Variants in CNTN5 observed in about 807,000 individuals in gnomAD.
The protein encoded by CNTN5 is contactin 5.
Under a neutral mutation model 129.1 loss-of-function variants are expected in CNTN5, and 77 were observed. That is an observed-to-expected ratio of 0.60 (90% CI 0.50 to 0.72). CNTN5 has a LOEUF of 0.72. Among genes scored for constraint, CNTN5 ranks in the 30% least tolerant of loss-of-function variants. The pLI is 0.00. For synonymous variants in CNTN5, 509 were observed against 465.6 expected (o/e 1.09, Z -1.20); for missense variants, 1,478 against 1,328.8 (o/e 1.11, Z -1.75).
chr11:99,278,423 TA>T (rs1370006159), intron 1 of CNTN5, among the ~76,000 whole-genome samples: 1 of 151,674 alleles, frequency 6.6e-6, no homozygotes, highest in African/African-American at 2.4e-5. Context: ...GCACATTTCC[TA>T]AAAAATAAGA....
At chr11:99,793,327 G>A (rs535622161) in intron 3 of CNTN5, among the ~76,000 whole-genome samples, 14 of 152,250 alleles carry the variant, frequency 9.2e-5, no homozygotes, top group African/African-American at 3.4e-4. Flanking sequence ...CCAAAGTGCT[G>A]GGATTACAGG....
chr11:99,259,946 T>C (rs1565445028), intron 1 of CNTN5, among the ~76,000 whole-genome samples: 4 of 151,802 alleles, frequency 2.6e-5, no homozygotes, highest in Admixed American at 2.0e-4. Context: ...CATAACCTTT[T>C]ATCATTTTTT....
At chr11:99,729,819 G>A (rs891396712) in intron 3 of CNTN5, among the ~76,000 whole-genome samples, 8 of 152,160 alleles carry the variant, frequency 5.3e-5, no homozygotes, top group Non-Finnish European at 1.0e-4. Flanking sequence ...AACACTGCAT[G>A]TTCTCACTTA....
Position 99,713,616 on chromosome 11 carries a change from T to A in CNTN5, c.56-105928T>A, listed in dbSNP as rs568220698. Among the ~76,000 whole-genome samples the A allele has an allele frequency of 4.1e-4, 63 of 152,112 alleles. 1 individual carries two copies. Among genetic ancestry groups the A allele is most frequent in the Non-Finnish European group, 4.4e-5 (3 of 67,944 alleles). On this transcript the variant is annotated intron_variant, in intron 3 of 24. Coordinates refer to ENST00000524871, the MANE Select transcript of CNTN5 (RefSeq NM_014361.4). ...TTTCAGTATCATAAATATGTATGTA[T>A]GTTTACAAATAGAAATATGGAACCC...
chr11:99,614,473 T>C lies in CNTN5; in HGVS notation c.55+58204T>C, dbSNP rs1950695991. ...ACTCCATCTGTTAGCAAGGCTTGTC[T>C]CAGTGGCTTGAGAGATCACATACAC... On this transcript the variant is annotated intron_variant, in intron 3 of 24. Coordinates refer to ENST00000524871, the MANE Select transcript of CNTN5 (RefSeq NM_014361.4). 3.9e-5 allele frequency among the ~76,000 whole-genome samples: 6 copies of C among 152,320 alleles called. No homozygotes were observed. In the South Asian group the frequency reaches 1.0e-3, roughly 26 times the overall value.
chr11:99,397,438 C>T lies in CNTN5; in HGVS notation c.-71+71954C>T, dbSNP rs377630583. 9.9e-5 allele frequency among the ~76,000 whole-genome samples: 15 copies of T among 151,374 alleles called. No individual in the cohort carries two copies. The East Asian group carries it at 1.4e-3, about 14-fold the overall frequency. ...TAAGGAGTGGGCAGTAATTATCCAC[C>T]TCCTTAACAACAGCATATCTACACA... On this transcript the variant is annotated intron_variant, in intron 2 of 24. Transcript: ENST00000524871.
At chr11:100,105,563 G>A (rs901002298) in intron 13 of CNTN5, among the ~76,000 whole-genome samples, 4 of 152,060 alleles carry the variant, frequency 2.6e-5, no homozygotes, top group African/African-American at 7.2e-5. Flanking sequence ...AACCAATATC[G>A]GAAGGAAGGA....
intron 3 of CNTN5, among the ~76,000 whole-genome samples, chr11:99,574,669 G>C (rs371169732): frequency 6.6e-6 from 1 of 152,072 alleles, no homozygotes; most frequent in African/African-American, 2.4e-5. Context: ...GTGATGTTGA[G>C]CTTTTTTTCA....
intron 6 of CNTN5, among the ~76,000 whole-genome samples, chr11:99,868,786 C>T (rs138515886): frequency 1.4e-4 from 21 of 152,128 alleles, no homozygotes; most frequent in Admixed American, 1.0e-3. Context: ...AAAATGAGGG[C>T]GTTTTAGCTG....
Position 100,071,912 on chromosome 11 carries a change from G to A in CNTN5, c.1429+78G>A. 2.4e-6 allele frequency: 3 copies of A among 1,240,976 alleles called. No individual in the cohort carries two copies. In the South Asian group the frequency reaches 5.2e-5, roughly 21 times the overall value. The allele number at this position is 1,240,976 out of a possible 1,614,324, so 76.9% of individuals were successfully genotyped here. ...TGCTCTAATTTTTACTATACTGAAGGTTTATGATGTGGTTGTAAAAATCTA... is the reference window on the plus strand; with the variant it reads ...TGCTCTAATTTTTACTATACTGAAGATTTATGATGTGGTTGTAAAAATCTA... On this transcript the variant is annotated intron_variant, in intron 12 of 24. Transcript: ENST00000524871.
chr11:99,209,608 G>A (rs1170240099), intron 1 of CNTN5, among the ~76,000 whole-genome samples: 1 of 152,098 alleles, frequency 6.6e-6, no homozygotes, highest in Admixed American at 6.5e-5. Flanking sequence ...CATTGCAACA[G>A]GAGATTTGAA....
chr11:99,361,735 A>G (rs530024894), intron 2 of CNTN5, among the ~76,000 whole-genome samples: 18 of 152,254 alleles, frequency 1.2e-4, no homozygotes, highest in Non-Finnish European at 2.2e-4. Context: ...AATCATACAC[A>G]CACTAGCTTT....
Position 99,409,970 on chromosome 11 carries a change from G to A in CNTN5, c.-71+84486G>A, listed in dbSNP as rs563849423. 1.9e-4 allele frequency among the ~76,000 whole-genome samples: 29 copies of A among 152,232 alleles called. 1 individual carries two copies. The South Asian group carries it at 4.4e-3, about 23-fold the overall frequency. ...GTGCTAGGCACTTACACTTACCATC[G>A]CAAGTTGCTCTCAGGTTATTCATTT... On this transcript the variant is annotated intron_variant, in intron 2 of 24. Transcript: ENST00000524871.
chr11:99,566,195 G>A (rs11220469), intron 3 of CNTN5, among the ~76,000 whole-genome samples: 8,727 of 152,024 alleles, frequency 0.057, 535 homozygotes, highest in East Asian at 0.28. Flanking sequence ...TCCGAATAAC[G>A]TGAGATCTGG....
intron 16 of CNTN5, among the ~76,000 whole-genome samples, chr11:100,242,544 G>C (rs560827210): frequency 1.2e-4 from 19 of 152,258 alleles, no homozygotes; most frequent in African/African-American, 4.6e-4. Context: ...ATGCAAAAGG[G>C]AAGCAGGCAC....
chr11:99,770,423 T>C (rs1441330477), intron 3 of CNTN5, among the ~76,000 whole-genome samples: 1 of 152,080 alleles, frequency 6.6e-6, no homozygotes, highest in African/African-American at 2.4e-5. Flanking sequence ...AGCGTATACA[T>C]GTGTGCATTT....
At chr11:99,865,377 A>C (rs893124262) in intron 6 of CNTN5, among the ~76,000 whole-genome samples, 2 of 152,116 alleles carry the variant, frequency 1.3e-5, no homozygotes, top group African/African-American at 2.4e-5. Context: ...CAGAAGAGGA[A>C]TTCAAATATA....
At chr11:99,156,735 C>A (rs1016318552) in intron 1 of CNTN5, among the ~76,000 whole-genome samples, 1 of 151,884 alleles carries the variant, frequency 6.6e-6, no homozygotes, top group Admixed American at 6.6e-5. Flanking sequence ...CAATATTGTT[C>A]TTTTCAGTCA....
At chr11:99,650,918 T>C (rs1257444957) in intron 3 of CNTN5, among the ~76,000 whole-genome samples, 1 of 151,964 alleles carries the variant, frequency 6.6e-6, no homozygotes, top group Non-Finnish European at 1.5e-5. Context: ...CACAGTTCAA[T>C]AATGTTCTTA....
Sources: gnomAD v4.1 joint callset for allele counts (sites outside exome capture counted in the v4.1 genomes callset) on GRCh38, gnomAD v4.1.1 for gene constraint, MANE v1.5 for transcripts, NCBI Gene and HGNC (gene_info 2026-07-23, HGNC 2026-07-21) for gene names.